The following TMEM245 variants were observed in gnomAD, a reference collection of about 807,000 sequenced individuals.
TMEM245 encodes transmembrane protein 245, also known as protein CG-2.
A neutral mutation model predicts 101.2 loss-of-function variants in TMEM245; 69 were observed. The ratio of observed to expected loss-of-function variants is 0.68; its 90% confidence interval spans 0.56 to 0.83. The LOEUF (loss-of-function observed/expected upper bound fraction) is 0.83, where lower values mean the gene tolerates loss of function less well. Ranked by LOEUF, TMEM245 falls within the 40% of genes least tolerant of loss-of-function variation. The pLI, the probability that TMEM245 is intolerant of heterozygous loss-of-function variation, is 0.00. For missense variants in TMEM245, 1,075 were observed against 1,092.8 expected, an observed-to-expected ratio of 0.98 and a Z score of 0.23; for synonymous variants, 537 against 449.8, an observed-to-expected ratio of 1.19 and a Z score of -2.45.
chr9:109,095,220 G>T (rs904895720), intron 3 of TMEM245, among the ~76,000 whole-genome samples: 13 of 152,210 alleles, frequency 8.5e-5, no homozygotes, highest in African/African-American at 3.1e-4. Context: ...AGGTCCTCCT[G>T]AAATGCCAAT....
intron 8 of TMEM245, among the ~76,000 whole-genome samples, chr9:109,076,010 T>C (rs576664301): frequency 4.5e-4 from 68 of 152,356 alleles, no homozygotes; most frequent in Non-Finnish European, 6.8e-4. Flanking sequence ...TTCAGCTGCA[T>C]CCCACAAATT....
chr9:109,092,324 CT>C (rs1392180386), intron 4 of TMEM245, among the ~76,000 whole-genome samples: 1 of 11,878 alleles, frequency 8.4e-5, no homozygotes, highest in Non-Finnish European at 1.3e-4. Context: ...TCATAATTTC[CT>C]TAAGTGTTTT....
In TMEM245 at chr9:109,032,303, A is replaced by G. The variant is rs189182051; in HGVS notation, c.2594+1004T>C. 4.5e-3 allele frequency among the ~76,000 whole-genome samples: 626 copies of G among 140,662 alleles called. 3 individuals carry two copies. The highest frequency in any genetic ancestry group is 0.016 in the African/African-American group (603 of 37,614). 92.3% of individuals were successfully genotyped at this position (140,662 alleles called of 152,430 possible). ...CAATTGTTTCAGAAATATTCCTCCC[A>G]TCCCCAATCCAGAAATCTATCCCAG... On this transcript the variant is annotated intron_variant, in intron 17 of 17. Coordinates refer to ENST00000374586, the MANE Select transcript of TMEM245 (RefSeq NM_032012.4).
At chr9:109,048,711 C>T (rs1828578217) in intron 14 of TMEM245, among the ~76,000 whole-genome samples, 1 of 152,070 alleles carries the variant, frequency 6.6e-6, no homozygotes, top group Non-Finnish European at 1.5e-5. Context: ...GCAAAAGGGT[C>T]CTCCCTACCA....
intron 17 of TMEM245, among the ~76,000 whole-genome samples, chr9:109,026,081 C>T (rs192869351): frequency 7.2e-5 from 11 of 152,320 alleles, no homozygotes; most frequent in Admixed American, 1.3e-4. Context: ...AAGCCAAGCC[C>T]TTTCAGAGCT....
intron 9 of TMEM245, among the ~76,000 whole-genome samples, chr9:109,071,071 G>T (rs1335007896): frequency 6.6e-6 from 1 of 151,690 alleles, no homozygotes; most frequent in Non-Finnish European, 1.5e-5. Context: ...AGTAGAGATG[G>T]GGTTTCACCA....
At position 109,039,843 on chromosome 9, in the gene TMEM245, G is replaced by A. The variant is rs376101423; in HGVS notation, c.2124-1726C>T. Among the ~76,000 whole-genome samples, 48 of 152,108 alleles carry A rather than the reference G, an allele frequency of 3.2e-4. No homozygotes were observed. In the South Asian group the frequency reaches 9.4e-3, roughly 30 times the overall value. On this transcript the variant is annotated intron_variant, in intron 14 of 17. Transcript: ENST00000374586. ...GGGAATAATGACATAATCGACCACA[G>A]AGAAAAAGAAAGGAAAAAAGTATAG...
intron 14 of TMEM245, among the ~76,000 whole-genome samples, chr9:109,044,663 A>G (rs1335959150): frequency 6.6e-6 from 1 of 152,088 alleles, no homozygotes; most frequent in Non-Finnish European, 1.5e-5. Context: ...TGCTCTCTAC[A>G]TATTTATGGG....
chr9:109,021,502 TG>T (rs113544108), intron 17 of TMEM245, among the ~76,000 whole-genome samples: 22,411 of 151,938 alleles, frequency 0.15, 1,864 homozygotes, highest in African/African-American at 0.19. Flanking sequence ...GTTTTTTGTT[TG>T]TTTGTTTGTT....
chr9:109,069,268 T>G (rs955106539), intron 9 of TMEM245, among the ~76,000 whole-genome samples: 3 of 152,104 alleles, frequency 2.0e-5, no homozygotes, highest in African/African-American at 7.2e-5. Context: ...GGCTCTGCAT[T>G]GACTTCCAGT....
At chr9:109,110,082 C>T (rs753205378) in intron 1 of TMEM245, among the ~76,000 whole-genome samples, 30 of 152,072 alleles carry the variant, frequency 2.0e-4, no homozygotes, top group Non-Finnish European at 2.8e-4. Flanking sequence ...TATTAAAGAG[C>T]TTTGAAGCTC....
intron 11 of TMEM245, among the ~76,000 whole-genome samples, chr9:109,058,226 G>C (rs971469577): frequency 2.6e-5 from 4 of 151,364 alleles, no homozygotes; most frequent in African/African-American, 9.7e-5. Flanking sequence ...GGATAGTCTT[G>C]ATCTCCTGAT....
At chr9:109,028,707 G>A (rs1827862748) in intron 17 of TMEM245, among the ~76,000 whole-genome samples, 1 of 152,056 alleles carries the variant, frequency 6.6e-6, no homozygotes, top group Non-Finnish European at 1.5e-5. Context: ...AGGGGTCAGA[G>A]ACCAAAGTTA....
intron 14 of TMEM245, among the ~76,000 whole-genome samples, chr9:109,040,895 A>G (rs1159701539): frequency 2.0e-5 from 3 of 152,216 alleles, no homozygotes; most frequent in African/African-American, 7.2e-5. Flanking sequence ...TAATGCTGCT[A>G]TGAACATTTG....
In TMEM245 at chr9:109,119,514, C is replaced by G; in HGVS notation, c.400G>C (p.Gly134Arg). 13 of 1,521,784 alleles carry G rather than the reference C, an allele frequency of 8.5e-6. No homozygotes were observed. The highest frequency in any genetic ancestry group is 1.2e-5 in the South Asian group (1 of 82,756). The allele number at this position is 1,521,784 out of a possible 1,614,324, so 94.3% of individuals were successfully genotyped here. ...LLLPLCFVDY[G>R]VEALGEQALR... ...GCCTGCTCGCCCAGGGCCTCGACGC[C>G]GTAGTCGACGAAGCAGAGCGGCAGG... The change falls in exon 1 of 18, where the codon GGC becomes CGC. Residue 134 changes from glycine to arginine, a missense_variant. By Grantham distance (125) the Gly-to-Arg change is moderately radical (BLOSUM62 -2). This residue lies in a region of TMEM245 where 808 missense variants were observed against 741.5 expected (regional missense o/e 1.09). Coordinates refer to ENST00000374586, the MANE Select transcript of TMEM245 (RefSeq NM_032012.4).
rs1387950429 is a variant in TMEM245, at chr9:109,118,193, A to G, written c.579+1142T>C. ...CCCAACACCTAACATATGCTCGATC[A>G]ACTTTAAACATGAACCAAGAGGTGG... On this transcript the variant is annotated intron_variant, in intron 1 of 17. Coordinates refer to ENST00000374586, the MANE Select transcript of TMEM245 (RefSeq NM_032012.4). 1.3e-5 allele frequency among the ~76,000 whole-genome samples: 2 copies of G among 152,230 alleles called. 1 individual carries two copies. The highest frequency in any genetic ancestry group is 4.1e-4 in the South Asian group (2 of 4,834).
chr9:109,109,675 T>C (rs970571610), intron 1 of TMEM245, among the ~76,000 whole-genome samples: 10 of 152,258 alleles, frequency 6.6e-5, no homozygotes, highest in African/African-American at 2.4e-4. Context: ...GAAAAAGTTT[T>C]AAATATAAAG....
chr9:109,033,001 G>A (rs974969541), intron 17 of TMEM245, among the ~76,000 whole-genome samples: 1 of 152,054 alleles, frequency 6.6e-6, no homozygotes, highest in Non-Finnish European at 1.5e-5. Context: ...GTTTCGCCAT[G>A]TTGGCCAGGC....
intron 3 of TMEM245, among the ~76,000 whole-genome samples, chr9:109,101,912 C>T (rs1830291361): frequency 6.6e-6 from 1 of 152,176 alleles, no homozygotes; most frequent in Non-Finnish European, 1.5e-5. Context: ...CTAGAATTTA[C>T]ACCGTAGAGA....
Sources: allele counts gnomAD v4.1 joint callset (sites outside exome capture counted in the v4.1 genomes callset), GRCh38; gene constraint gnomAD v4.1.1; regional missense constraint gnomAD v4.1.1; transcripts MANE v1.5; gene names NCBI Gene and HGNC (gene_info 2026-07-23, HGNC 2026-07-21).